RAB27B: variants seen among roughly 807,000 people sequenced by gnomAD.
The protein encoded by RAB27B is ras-related protein Rab-27B.
RAB27B carries 15 observed loss-of-function variants against 24.6 expected under a neutral mutation model. The observed-to-expected ratio is 0.61, with a 90% confidence interval of 0.41 to 0.94. The LOEUF (loss-of-function observed/expected upper bound fraction) is 0.94, where lower values mean the gene tolerates loss of function less well. Among genes scored for constraint, RAB27B ranks in the 40% least tolerant of loss-of-function variants. The pLI, the probability that RAB27B is intolerant of heterozygous loss-of-function variation, is 0.00. For missense variants in RAB27B, 261 were observed against 266.8 expected, an observed-to-expected ratio of 0.98 and a Z score of 0.15; for synonymous variants, 105 against 92.5, an observed-to-expected ratio of 1.14 and a Z score of -0.78.
intron 2 of RAB27B, among the ~76,000 whole-genome samples, chr18:54,818,642 T>G (rs960555731): frequency 6.6e-6 from 1 of 152,106 alleles, no homozygotes; most frequent in Non-Finnish European, 1.5e-5. Context: ...CCACCATTCC[T>G]GCCGTGAGAG....
chr18:54,798,462 G>A (rs532963380), intron 2 of RAB27B, among the ~76,000 whole-genome samples: 7 of 152,330 alleles, frequency 4.6e-5, no homozygotes, highest in East Asian at 3.9e-4. Flanking sequence ...CCAAGGCCTC[G>A]GGTGCCCAGG....
At position 54,872,087 on chromosome 18, in the gene RAB27B, A is replaced by T. The variant is rs531985905; in HGVS notation, c.-19-5480A>T. The stretch of plus-strand genomic sequence containing the variant: ...TATCCTCAGAGCCATGCAAAATGCC[A>T]TGCAAGTGAGAGGTGGTGATGAGAG... On this transcript the variant is annotated intron_variant, in intron 1 of 5. Transcript: ENST00000262094. Among the ~76,000 whole-genome samples the T allele has an allele frequency of 1.0e-3, 159 of 152,212 alleles. 5 individuals carry two copies. In the South Asian group the frequency reaches 0.032, roughly 31 times the overall value.
At chr18:54,878,407 T>C (rs550336793) in intron 2 of RAB27B, among the ~76,000 whole-genome samples, 1 of 152,308 alleles carries the variant, frequency 6.6e-6, no homozygotes, top group Admixed American at 6.5e-5. Context: ...GTATTCTTGA[T>C]TGCCAAGATG....
At chr18:54,841,154 C>CGGGGG (rs147175917) in intron 1 of RAB27B, among the ~76,000 whole-genome samples, 4 of 8,644 alleles carry the variant, frequency 4.6e-4, no homozygotes, top group African/African-American at 8.3e-4. Context: ...CTTTGGGTGG[C>CGGGGG]GGGGCGGTGG....
intron 2 of RAB27B, among the ~76,000 whole-genome samples, chr18:54,795,006 A>G (rs962725763): frequency 1.3e-5 from 2 of 152,198 alleles, no homozygotes; most frequent in African/African-American, 2.4e-5. Context: ...TTCCATTCCT[A>G]ACTGCAGCAT....
At chr18:54,743,168 C>A (rs1395425300) in intron 2 of RAB27B, among the ~76,000 whole-genome samples, 1 of 152,182 alleles carries the variant, frequency 6.6e-6, no homozygotes, top group Non-Finnish European at 1.5e-5. Flanking sequence ...TCTCATTCAG[C>A]TATTGTGCTA....
chr18:54,720,261 C>G (rs1437588112), intron 2 of RAB27B, among the ~76,000 whole-genome samples: 3 of 151,978 alleles, frequency 2.0e-5, no homozygotes, highest in African/African-American at 7.3e-5. Flanking sequence ...TGAGGTTATC[C>G]CAAGGCCTTG....
At chr18:54,811,182 A>AGT (rs1909953575) in intron 2 of RAB27B, among the ~76,000 whole-genome samples, 1 of 152,124 alleles carries the variant, frequency 6.6e-6, no homozygotes, top group South Asian at 2.1e-4. Flanking sequence ...GAAGAGGCAC[A>AGT]CTACATAGAG....
In RAB27B at chr18:54,866,023, A is replaced by C. The variant is rs527705807; in HGVS notation, c.-19-11544A>C. On this transcript the variant is annotated intron_variant, in intron 1 of 5. Coordinates refer to ENST00000262094, the MANE Select transcript of RAB27B (RefSeq NM_004163.4). ...TGCTTTAATTTTCTAAACTTTAAAA[A>C]ATAAAGACAGATACCTCATGCTGTA... Among the ~76,000 whole-genome samples, 3 of 152,358 alleles carry C rather than the reference A, an allele frequency of 2.0e-5. No homozygotes were observed. The East Asian group carries it at 5.8e-4, about 29-fold the overall frequency.
chr18:54,842,549 T>G (rs1354979908), intron 1 of RAB27B, among the ~76,000 whole-genome samples: 3 of 152,202 alleles, frequency 2.0e-5, no homozygotes, highest in Non-Finnish European at 4.4e-5. Flanking sequence ...TCAAGAAAGA[T>G]AAACAAGATA....
intron 1 of RAB27B, among the ~76,000 whole-genome samples, chr18:54,849,980 C>A (rs1229041588): frequency 1.3e-5 from 2 of 152,080 alleles, no homozygotes; most frequent in South Asian, 4.2e-4. Flanking sequence ...GAAACTTAAT[C>A]TAACTAGTTA....
At chr18:54,842,115 C>T (rs1362871017) in intron 1 of RAB27B, among the ~76,000 whole-genome samples, 1 of 152,178 alleles carries the variant, frequency 6.6e-6, no homozygotes, top group Non-Finnish European at 1.5e-5. Context: ...TAAACTAATT[C>T]GTTCATCACA....
At chr18:54,809,107 A>G (rs1269095854) in intron 2 of RAB27B, among the ~76,000 whole-genome samples, 3 of 152,222 alleles carry the variant, frequency 2.0e-5, no homozygotes, top group Non-Finnish European at 4.4e-5. Context: ...TCCAGTTTCT[A>G]GTAGAAAGTT....
intron 2 of RAB27B, among the ~76,000 whole-genome samples, chr18:54,760,708 G>C (rs1452873453): frequency 6.6e-6 from 1 of 152,112 alleles, no homozygotes; most frequent in African/African-American, 2.4e-5. Flanking sequence ...ATTCAAACCA[G>C]ATCATGAAAA....
Position 54,894,963 on chromosome 18 carries a change from C to A in RAB27B, c.*5550C>A, listed in dbSNP as rs1475163446. ...ACATCTCATTATTGACAAAATATGT[C>A]ATCTTGTATTTATTTCAAGGAAACC... On this transcript the variant is annotated 3_prime_UTR_variant, in exon 6 of 6. Transcript: ENST00000262094. 1 of 151,960 alleles carries A rather than the reference C, an allele frequency of 6.6e-6. No individual in the cohort carries two copies. Among genetic ancestry groups the A allele is most frequent in the Non-Finnish European group, 1.5e-5 (1 of 67,932 alleles). 9.4% of individuals were successfully genotyped at this position (151,960 alleles called of 1,614,324 possible). A position where few individuals can be genotyped will look rare whatever the true frequency, so the allele number is the denominator to read the frequency against.
chr18:54,723,668 G>A (rs1282136746), intron 2 of RAB27B, among the ~76,000 whole-genome samples: 3 of 152,142 alleles, frequency 2.0e-5, no homozygotes, highest in African/African-American at 7.2e-5. Flanking sequence ...TACGTAGGTA[G>A]ATAGATAAAC....
intron 2 of RAB27B, among the ~76,000 whole-genome samples, chr18:54,776,163 G>A (rs865854376): frequency 6.6e-6 from 1 of 152,216 alleles, no homozygotes; most frequent in East Asian, 1.9e-4. Flanking sequence ...TAGTGTTTCT[G>A]ATGAGGAAAG....
intron 1 of RAB27B, among the ~76,000 whole-genome samples, chr18:54,863,463 G>A (rs576952847): frequency 1.3e-3 from 196 of 152,284 alleles, no homozygotes; most frequent in Non-Finnish European, 2.4e-3. Context: ...ATTATTGTAA[G>A]AGAAAATATA....
intron 2 of RAB27B, among the ~76,000 whole-genome samples, chr18:54,763,538 T>C (rs929545158): frequency 6.6e-6 from 1 of 152,128 alleles, no homozygotes; most frequent in African/African-American, 2.4e-5. Flanking sequence ...AATAAGATCA[T>C]GGATGTAACA....
Sources: allele counts gnomAD v4.1 joint callset (sites outside exome capture counted in the v4.1 genomes callset), GRCh38; gene constraint gnomAD v4.1.1; transcripts MANE v1.5; gene names NCBI Gene and HGNC (gene_info 2026-07-23, HGNC 2026-07-21).